The following BBS7 variants were observed in gnomAD, a reference collection of about 807,000 sequenced individuals.
BBS7 encodes the protein BBSome complex member BBS7.
BBS7 carries 50 observed loss-of-function variants against 90.3 expected under a neutral mutation model. The observed-to-expected ratio is 0.55, with a 90% CI of 0.44 to 0.70. The LOEUF (loss-of-function observed/expected upper bound fraction) is 0.70, where lower values mean the gene tolerates loss of function less well. BBS7 is among the 30% of genes least tolerant of loss of function. The pLI is 0.00. For synonymous variants in BBS7, 235 were observed against 287.4 expected, an observed-to-expected ratio of 0.82 and a Z score of 1.85; for missense variants, 729 against 838.9, an observed-to-expected ratio of 0.87 and a Z score of 1.62.
chr4:121,838,578 G>C (rs967004541), intron 13 of BBS7, among the ~76,000 whole-genome samples: 1 of 152,076 alleles, frequency 6.6e-6, no homozygotes, highest in African/African-American at 2.4e-5. Flanking sequence ...AGAATGTATG[G>C]TAATAAATGA....
intron 12 of BBS7, among the ~76,000 whole-genome samples, chr4:121,843,318 C>G (rs1725837772): frequency 6.6e-6 from 1 of 152,100 alleles, no homozygotes; most frequent in Non-Finnish European, 1.5e-5. Context: ...AGTGTACATA[C>G]AGCATATCCT....
intron 10 of BBS7, 54 bp from the exon 11 acceptor site, chr4:121,845,750 GT>G: frequency 6.8e-7 from 1 of 1,467,588 alleles, no homozygotes; most frequent in South Asian, 1.2e-5. Context: ...ATTTGAGGTC[GT>G]TAGGATGTTT....
chr4:121,867,357 A>C (rs966416205), intron 2 of BBS7, among the ~76,000 whole-genome samples: 3 of 152,126 alleles, frequency 2.0e-5, no homozygotes, highest in Non-Finnish European at 4.4e-5. Flanking sequence ...GGATCATGTC[A>C]TCGGCAAACA....
chr4:121,859,129 G>A lies in BBS7; in HGVS notation c.391C>T (p.His131Tyr), dbSNP rs772922826. 3.2e-5 allele frequency: 51 copies of A among 1,613,588 alleles called. No individual in the cohort carries two copies. The highest frequency in any genetic ancestry group is 4.0e-5 in the Non-Finnish European group (47 of 1,179,810). The part of the protein sequence containing the change: ...LFLSASYIYN[H>Y]YCDCKDQHYY... ...TGTTGGTCTTTGCAGTCACAATAAT[G>A]GTTATAGATGTAACTTGCACTGAGA... Residue 131 changes from histidine (H) to tyrosine (Y), a missense_variant, in exon 5 of 19, where the codon CAT (histidine) becomes TAT (tyrosine). Physicochemically the swap from His to Tyr is moderately conservative, Grantham distance 83. Transcript: ENST00000264499.
intron 8 of BBS7, among the ~76,000 whole-genome samples, chr4:121,849,175 G>A (rs1358584751): frequency 1.3e-5 from 2 of 152,098 alleles, no homozygotes; most frequent in Admixed American, 6.5e-5. Context: ...CTCAGCTAAC[G>A]ATATACTCAC....
In BBS7 at chr4:121,826,932, C is replaced by T. The variant is rs550291990; in HGVS notation, c.2015-939G>A. ...CCAGGGGGCAGAGGCTGCAGTAAGC[C>T]GAGATCGCGCCACTGACTCCAGCCT... On this transcript the variant is annotated intron_variant, in intron 18 of 18. Transcript: ENST00000264499. Among the ~76,000 whole-genome samples, 174 of 152,200 alleles carry T rather than the reference C, an allele frequency of 1.1e-3. 1 individual carries two copies. Among genetic ancestry groups the T allele is most frequent in the African/African-American group, 3.9e-3 (163 of 41,518 alleles).
At chr4:121,838,102 T>TAA (rs35773052) in intron 13 of BBS7, among the ~76,000 whole-genome samples, 2,388 of 144,904 alleles carry the variant, frequency 0.016, 81 homozygotes, top group African/African-American at 0.058. Context: ...AGACTCCATC[T>TAA]AAAAAAAAAA....
intron 10 of BBS7, among the ~76,000 whole-genome samples, chr4:121,846,647 C>A (rs1372888497): frequency 2.0e-5 from 3 of 152,088 alleles, no homozygotes; most frequent in Non-Finnish European, 4.4e-5. Context: ...GTAGGATATC[C>A]TGAATGAATC....
chr4:121,845,728 A>G lies in BBS7; in HGVS notation c.1038-32T>C, dbSNP rs749327348. 16 of 1,567,228 alleles carry G rather than the reference A, an allele frequency of 1.0e-5. No individual in the cohort carries two copies. The East Asian group carries it at 1.4e-4, about 13-fold the overall frequency. On this transcript the variant is annotated intron_variant, in intron 10 of 18. Transcript: ENST00000264499. ...AAAAACACATACAAATTTGTCAAAT[A>G]TAAGTATAAACATTTGAGGTCGTTA... is the stretch of plus-strand genomic sequence containing the variant.
At chr4:121,831,462 T>TAA (rs111284105) in intron 15 of BBS7, among the ~76,000 whole-genome samples, 1 of 141,962 alleles carries the variant, frequency 7.0e-6, no homozygotes, top group African/African-American at 2.6e-5. Flanking sequence ...GAGACTCTCT[T>TAA]AAAAAAAAAA....
At chr4:121,856,379 T>C (rs1257116997) in intron 5 of BBS7, among the ~76,000 whole-genome samples, 1 of 152,234 alleles carries the variant, frequency 6.6e-6, no homozygotes, top group Non-Finnish European at 1.5e-5. Flanking sequence ...GAAGTACTTA[T>C]ACTCACATGG....
intron 2 of BBS7, among the ~76,000 whole-genome samples, chr4:121,866,665 C>T (rs1727292872): frequency 6.6e-6 from 1 of 152,250 alleles, no homozygotes; most frequent in East Asian, 1.9e-4. Context: ...GTTTTCCCAG[C>T]ACCATTTATT....
intron 18 of BBS7, chr4:121,827,758 A>T (rs1393655378): frequency 1.1e-6 from 1 of 931,300 alleles, no homozygotes; most frequent in African/African-American, 1.8e-5. Flanking sequence ...TTTTGCCTTA[A>T]AAATTTTAAA....
chr4:121,866,913 G>A lies in BBS7; in HGVS notation c.102+1068C>T, dbSNP rs574324419. Reference sequence around the variant, plus strand: ...ACTCAGGATTGTTTTGGCTATTTGGGGTCTTTGTGGTTCCATACAAATTTT... The same window carrying A: ...ACTCAGGATTGTTTTGGCTATTTGGAGTCTTTGTGGTTCCATACAAATTTT... On this transcript the variant is annotated intron_variant, in intron 2 of 18. Transcript: ENST00000264499. Among the ~76,000 whole-genome samples the A allele has an allele frequency of 1.6e-4, 24 of 151,870 alleles. 1 individual carries two copies. The highest frequency in any genetic ancestry group is 5.3e-4 in the African/African-American group (22 of 41,448).
intron 13 of BBS7, among the ~76,000 whole-genome samples, chr4:121,835,958 T>G (rs746152256): frequency 2.0e-5 from 3 of 152,192 alleles, no homozygotes; most frequent in Non-Finnish European, 2.9e-5. Context: ...TCCATACGTC[T>G]CTCTACGTAC....
intron 13 of BBS7, among the ~76,000 whole-genome samples, chr4:121,835,529 T>C (rs1725409428): frequency 6.6e-6 from 1 of 152,156 alleles, no homozygotes; most frequent in African/African-American, 2.4e-5. Context: ...CTTTAACTCA[T>C]ACTTTTCATG....
rs770484168 is a variant in BBS7, at chr4:121,828,734, A to G, written c.1677-6T>C. 4 of 1,470,004 alleles carry G rather than the reference A, an allele frequency of 2.7e-6. No individual in the cohort carries two copies. The highest frequency in any genetic ancestry group is 3.8e-6 in the Non-Finnish European group (4 of 1,065,278). The allele number at this position is 1,470,004 out of a possible 1,614,324, so 91.1% of individuals were successfully genotyped here. On this transcript the variant is annotated splice_region_variant and splice_polypyrimidine_tract_variant and intron_variant, in intron 15 of 18. Transcript: ENST00000264499. ...TAAAAACTCCCTCTCCTTTTCTATA[A>G]AATTAATATATTTTTTAAAAGAATA...
chr4:121,855,585 T>C (rs1726567433), intron 5 of BBS7, 24 bp from the exon 6 acceptor site: 2 of 1,590,510 alleles, frequency 1.3e-6, no homozygotes, highest in South Asian at 2.2e-5. Context: ...ATTTAAAAAC[T>C]GAAACAGAAT....
At chr4:121,842,176 C>T (rs2149064810) in intron 12 of BBS7, among the ~76,000 whole-genome samples, 1 of 148,226 alleles carries the variant, frequency 6.7e-6, no homozygotes, top group East Asian at 2.0e-4. Context: ...TTGCTTGAAC[C>T]TGGGAGGCGG....
Sources: allele counts gnomAD v4.1 joint callset (sites outside exome capture counted in the v4.1 genomes callset), GRCh38; gene constraint gnomAD v4.1.1; transcripts MANE v1.5; gene names NCBI Gene and HGNC (gene_info 2026-07-23, HGNC 2026-07-21).